MTUS2: variants seen among roughly 807,000 people sequenced by gnomAD.
MTUS2 encodes microtubule associated scaffold protein 2.
MTUS2 carries 40 observed loss-of-function variants against 114.1 expected under a neutral mutation model. The observed-to-expected ratio is 0.35, with a 90% CI of 0.27 to 0.46. The LOEUF (loss-of-function observed/expected upper bound fraction) is 0.46, where lower values mean the gene tolerates loss of function less well. Among genes scored for constraint, MTUS2 ranks in the 20% least tolerant of loss-of-function variants. The probability of loss-of-function intolerance (pLI) is 1.00; values close to 1 mark genes in which losing one functional copy is unlikely to be tolerated. For synonymous variants in MTUS2, 688 were observed against 672.0 expected (o/e 1.02, Z -0.37); for missense variants, 1,679 against 1,705.4 (o/e 0.98, Z 0.27).
chr13:29,275,857 A>G (rs1898043902), intron 5 of MTUS2, among the ~76,000 whole-genome samples: 2 of 152,106 alleles, frequency 1.3e-5, no homozygotes, highest in African/African-American at 4.8e-5. Context: ...TCTTCAATAC[A>G]CTGATTTCTT....
intron 5 of MTUS2, among the ~76,000 whole-genome samples, chr13:29,124,817 A>C (rs576139867): frequency 1.3e-5 from 2 of 152,334 alleles, no homozygotes; most frequent in African/African-American, 2.4e-5. Context: ...GTGCTGAGTG[A>C]AATAAGCCAG....
chr13:29,390,081 ACG>A (rs2138430401), intron 8 of MTUS2, among the ~76,000 whole-genome samples: 1 of 138,550 alleles, frequency 7.2e-6, no homozygotes, highest in East Asian at 2.2e-4. Flanking sequence ...ATATACACAT[ACG>A]TATATGTACA....
chr13:29,176,837 A>G (rs1466143340), intron 5 of MTUS2, among the ~76,000 whole-genome samples: 1 of 151,308 alleles, frequency 6.6e-6, no homozygotes, highest in Non-Finnish European at 1.5e-5. Flanking sequence ...CATCTCTGCC[A>G]TCGTTGGCAC....
intron 8 of MTUS2, among the ~76,000 whole-genome samples, chr13:29,392,633 T>A (rs924459059): frequency 1.3e-5 from 2 of 152,226 alleles, no homozygotes; most frequent in Non-Finnish European, 2.9e-5. Context: ...GTGATGTTTT[T>A]AAATGCTCCT....
chr13:29,275,076 G>A lies in MTUS2; in HGVS notation c.2645-6628G>A, dbSNP rs1381861011. Reference sequence around the variant, plus strand: ...TATTTTGTATACCAGACCGTTATCAGATATGACTTGCAAATATTTTCCCCA... The same window carrying A: ...TATTTTGTATACCAGACCGTTATCAAATATGACTTGCAAATATTTTCCCCA... On this transcript the variant is annotated intron_variant, in intron 5 of 15. Coordinates refer to ENST00000612955, the MANE Select transcript of MTUS2 (RefSeq NM_001033602.4). Among the ~76,000 whole-genome samples, 4 of 152,254 alleles carry A rather than the reference G, an allele frequency of 2.6e-5. No individual in the cohort carries two copies. The East Asian group carries it at 7.7e-4, about 29-fold the overall frequency.
intron 5 of MTUS2, among the ~76,000 whole-genome samples, chr13:29,220,812 C>T (rs541684646): frequency 6.6e-6 from 1 of 152,226 alleles, no homozygotes; most frequent in South Asian, 2.1e-4. Context: ...GGAAAAATGG[C>T]ACTGAGAAGT....
intron 2 of MTUS2, among the ~76,000 whole-genome samples, chr13:28,850,357 G>A (rs1477905759): frequency 6.6e-6 from 1 of 152,174 alleles, no homozygotes; most frequent in African/African-American, 2.4e-5. Context: ...GAAAGTGTGT[G>A]TGTCTCTTGT....
At chr13:28,849,636 C>T (rs1876116937) in intron 2 of MTUS2, among the ~76,000 whole-genome samples, 1 of 152,162 alleles carries the variant, frequency 6.6e-6, no homozygotes, top group African/African-American at 2.4e-5. Context: ...CCATGGACGC[C>T]ATCTGTGCTG....
Position 29,317,432 on chromosome 13 carries a change from C to CTTTTTTTTTTTT in MTUS2, c.2807-7175_2807-7164dup, listed in dbSNP as rs552766235. On this transcript the variant is annotated intron_variant, in intron 6 of 15. Coordinates refer to ENST00000612955, the MANE Select transcript of MTUS2 (RefSeq NM_001033602.4). Reference sequence around the variant, plus strand: ...GCTTGTGCGCGCGCTCTCTCTCTCTCTTTTTTTTTTTTTTTTTGAGACGGA... The same window carrying CTTTTTTTTTTTT: ...GCTTGTGCGCGCGCTCTCTCTCTCTCTTTTTTTTTTTTTTTTTTTTTTTTTTTTTGAGACGGA... Among the ~76,000 whole-genome samples, 279 of 51,640 alleles carry CTTTTTTTTTTTT rather than the reference C, an allele frequency of 5.4e-3. 42 individuals carry two copies. The highest frequency in any genetic ancestry group is 0.018 in the African/African-American group (273 of 15,230). The allele number at this position is 51,640 out of a possible 152,430, so 33.9% of individuals were successfully genotyped here.
At chr13:28,919,494 T>A (rs1593299950) in intron 2 of MTUS2, among the ~76,000 whole-genome samples, 1 of 152,118 alleles carries the variant, frequency 6.6e-6, no homozygotes, top group African/African-American at 2.4e-5. Flanking sequence ...CTTTTAGGAT[T>A]TTTTTCTTTA....
rs145366174 is a variant in MTUS2, at chr13:28,865,083, G to A, written c.-243+25233G>A. Reference sequence around the variant, plus strand: ...TCTGTGTATATGTGTGTGTGTCTATGTGTGTGTCTGTATGTATGTGTATAT... The same window carrying A: ...TCTGTGTATATGTGTGTGTGTCTATATGTGTGTCTGTATGTATGTGTATAT... On this transcript the variant is annotated intron_variant, in intron 2 of 15. Transcript: ENST00000612955. Among the ~76,000 whole-genome samples, 544 of 152,260 alleles carry A rather than the reference G, an allele frequency of 3.6e-3. 6 individuals carry two copies. Among genetic ancestry groups the A allele is most frequent in the Non-Finnish European group, 3.3e-3 (222 of 68,008 alleles).
intron 5 of MTUS2, among the ~76,000 whole-genome samples, chr13:29,132,689 C>T (rs554849072): frequency 4.7e-4 from 72 of 152,256 alleles, no homozygotes; most frequent in Non-Finnish European, 8.5e-4. Flanking sequence ...TTAGAATTTC[C>T]ATTCTTTTTA....
At chr13:29,210,860 C>G (rs1593608320) in intron 5 of MTUS2, among the ~76,000 whole-genome samples, 2 of 152,060 alleles carry the variant, frequency 1.3e-5, no homozygotes, top group East Asian at 1.9e-4. Flanking sequence ...TGAGAGAGTC[C>G]TTGTTTGTAG....
chr13:29,189,257 A>C lies in MTUS2; in HGVS notation c.2644+88287A>C, dbSNP rs554200268. Among the ~76,000 whole-genome samples the C allele has an allele frequency of 5.9e-5, 9 of 152,374 alleles. No homozygotes were observed. In the East Asian group the frequency reaches 1.7e-3, roughly 29 times the overall value. On this transcript the variant is annotated intron_variant, in intron 5 of 15. Coordinates refer to ENST00000612955, the MANE Select transcript of MTUS2 (RefSeq NM_001033602.4). ...ACAAACATTAGGTTCAGGAATTCAC[A>C]CTTGTGAACTTTTAGAAAGTATCTT...
At chr13:29,018,364 C>A (rs746075806) in intron 2 of MTUS2, among the ~76,000 whole-genome samples, 4 of 152,164 alleles carry the variant, frequency 2.6e-5, no homozygotes, top group Non-Finnish European at 4.4e-5. Flanking sequence ...TCAGGAATGC[C>A]TTTCATGCTG....
chr13:28,885,188 A>G (rs75704668), intron 2 of MTUS2, among the ~76,000 whole-genome samples: 5,529 of 152,184 alleles, frequency 0.036, 325 homozygotes, highest in African/African-American at 0.12. Flanking sequence ...CAGTGATTCT[A>G]TTTTGTTTTA....
chr13:29,337,147 T>C (rs1593318262), intron 7 of MTUS2, among the ~76,000 whole-genome samples: 1 of 150,108 alleles, frequency 6.7e-6, no homozygotes, highest in African/African-American at 2.5e-5. Context: ...TCCAGGGGGG[T>C]GAACAGTTCT....
intron 5 of MTUS2, among the ~76,000 whole-genome samples, chr13:29,224,777 T>C (rs1896040189): frequency 9.5e-6 from 1 of 105,700 alleles, no homozygotes; most frequent in Non-Finnish European, 2.2e-5. Context: ...TTGCTACTGT[T>C]TCTCTTTTTC....
At chr13:29,259,516 C>G (rs1897394102) in intron 5 of MTUS2, among the ~76,000 whole-genome samples, 1 of 152,106 alleles carries the variant, frequency 6.6e-6, no homozygotes, top group South Asian at 2.1e-4. Context: ...TAAAGTTAAG[C>G]CTTTGTTTAT....
Sources: gnomAD v4.1 joint callset for allele counts (sites outside exome capture counted in the v4.1 genomes callset) on GRCh38, gnomAD v4.1.1 for gene constraint, MANE v1.5 for transcripts, NCBI Gene and HGNC (gene_info 2026-07-23, HGNC 2026-07-21) for gene names.